BTD: variants seen among roughly 807,000 people sequenced by gnomAD.
BTD encodes the protein biotinidase, also known as biocytinase.
Under a neutral mutation model 17.7 loss-of-function variants are expected in BTD, and 13 were observed. The observed-to-expected ratio is 0.74, with a 90% CI of 0.48 to 1.17. BTD has a LOEUF of 1.17. Ranked by LOEUF, BTD falls within the 50% of genes most tolerant of loss-of-function variation. The probability of loss-of-function intolerance (pLI) is 0.00; values close to 1 mark genes in which losing one functional copy is unlikely to be tolerated. For missense variants in BTD, 674 were observed against 650.4 expected, an observed-to-expected ratio of 1.04 and a Z score of -0.39; for synonymous variants, 240 against 245.2, an observed-to-expected ratio of 0.98 and a Z score of 0.20.
chr3:15,631,137 A>G (rs560380859), intron 1 of BTD, among the ~76,000 whole-genome samples: 37 of 152,342 alleles, frequency 2.4e-4, no homozygotes, highest in Admixed American at 7.8e-4. Flanking sequence ...GAACTTCCCA[A>G]TGTTTTTCTT....
chr3:15,705,885 G>C (rs561008037), intron 3 of BTD, among the ~76,000 whole-genome samples: 28 of 152,110 alleles, frequency 1.8e-4, no homozygotes, highest in Non-Finnish European at 3.5e-4. Context: ...TGTAGTCCCA[G>C]CTACTCAGGA....
At chr3:15,666,710 T>C (rs1393378367) in intron 3 of BTD, among the ~76,000 whole-genome samples, 1 of 152,190 alleles carries the variant, frequency 6.6e-6, no homozygotes, top group African/African-American at 2.4e-5. Context: ...ATGCTCAGGA[T>C]TGCTAAGTGC....
chr3:15,612,167 C>T (rs954311335), intron 1 of BTD, among the ~76,000 whole-genome samples: 4 of 152,138 alleles, frequency 2.6e-5, no homozygotes, highest in Non-Finnish European at 5.9e-5. Context: ...GAGTTAATAA[C>T]ATTTGCACTG....
chr3:15,608,625 G>C (rs1435429895), intron 1 of BTD, among the ~76,000 whole-genome samples: 1 of 152,120 alleles, frequency 6.6e-6, no homozygotes, highest in Non-Finnish European at 1.5e-5. Context: ...AATTAGCTGG[G>C]CATGGTGATG....
At chr3:15,678,283 T>C in intron 3 of BTD, 3 of 1,613,166 alleles carry the variant, frequency 1.9e-6, no homozygotes, top group Non-Finnish European at 1.7e-6. Context: ...AGAATTGACT[T>C]GAGCATTATG....
Position 15,647,347 on chromosome 3 carries a change from G to A in BTD, c.*1859G>A, listed in dbSNP as rs2065719685. ...CCTTATGCCAAGATGATTCAAATAA[G>A]CCTGAGAAAGAGAGGCCAGCGCTAA... On this transcript the variant is annotated 3_prime_UTR_variant, in exon 4 of 4. Coordinates refer to ENST00000643237, the MANE Select transcript of BTD (RefSeq NM_001370658.1). The A allele has an allele frequency of 6.6e-6, 1 of 152,220 alleles. No individual in the cohort carries two copies. Among genetic ancestry groups the A allele is most frequent in the African/African-American group, 2.4e-5 (1 of 41,442 alleles). The allele number at this position is 152,220 out of a possible 1,614,324, so 9.4% of individuals were successfully genotyped here. A position where few individuals can be genotyped will look rare whatever the true frequency, so the allele number is the denominator to read the frequency against.
intron 3 of BTD, chr3:15,670,135 A>G (rs979038087): frequency 5.3e-5 from 52 of 984,598 alleles, no homozygotes; most frequent in Middle Eastern, 6.2e-4. Flanking sequence ...TCCTAATGCC[A>G]TCAGATCTCT....
chr3:15,720,967 C>A, intron 4 of BTD: 2 of 1,613,834 alleles, frequency 1.2e-6, no homozygotes, highest in South Asian at 1.1e-5. Flanking sequence ...ACACAATGCT[C>A]CATGTGTTGA....
intron 3 of BTD, chr3:15,694,787 C>T: frequency 6.2e-7 from 1 of 1,613,538 alleles, no homozygotes; most frequent in Non-Finnish European, 8.5e-7. Context: ...AATCACTCAG[C>T]ATGTCTGTTC....
At chr3:15,687,778 T>C (rs1240830408) in intron 3 of BTD, among the ~76,000 whole-genome samples, 4 of 152,214 alleles carry the variant, frequency 2.6e-5, no homozygotes, top group African/African-American at 9.6e-5. Flanking sequence ...GTCGTAACAC[T>C]TGGGGATGTT....
rs180729041 is a variant in BTD at position 15,708,103 on chromosome 3, G to A, written c.400-1957G>A. The A allele has an allele frequency of 7.3e-5, 114 of 1,566,646 alleles. No individual in the cohort carries two copies. In the African/African-American group the frequency reaches 1.5e-3, roughly 21 times the overall value. ...GTTAATACAAGAAAGATAAAAGCCA[G>A]AGACATAACTAGTAAACAAAAGCAT... On this transcript the variant is annotated intron_variant, in intron 3 of 3. Coordinates refer to the BTD transcript ENST00000672141.
At chr3:15,666,124 C>T (rs2065984337) in intron 3 of BTD, among the ~76,000 whole-genome samples, 1 of 152,226 alleles carries the variant, frequency 6.6e-6, no homozygotes, top group Non-Finnish European at 1.5e-5. Flanking sequence ...GAGCCTAGCA[C>T]AGTTCCTGGC....
chr3:15,622,821 CT>C (rs2064984032), intron 1 of BTD, among the ~76,000 whole-genome samples: 1 of 152,214 alleles, frequency 6.6e-6, no homozygotes, highest in Non-Finnish European at 1.5e-5. Context: ...ATCCTGATAA[CT>C]TTCCTTGGTC....
chr3:15,685,490 C>T (rs2068004786), intron 3 of BTD: 1 of 1,566,692 alleles, frequency 6.4e-7, no homozygotes, highest in Non-Finnish European at 8.8e-7. Flanking sequence ...TTATGCTAAA[C>T]ATTACATGCC....
downstream of BTD, among the ~76,000 whole-genome samples, chr3:15,654,606 G>A (rs538642492): frequency 9.9e-5 from 15 of 151,164 alleles, no homozygotes; most frequent in South Asian, 3.1e-3. Flanking sequence ...CCTTTTTTTT[G>A]TTTTTGAGAT....
chr3:15,638,861 TG>T (rs935603288), intron 2 of BTD, among the ~76,000 whole-genome samples: 5 of 152,222 alleles, frequency 3.3e-5, no homozygotes, highest in African/African-American at 1.2e-4. Context: ...TTGTAACAAG[TG>T]GTAAGCATTT....
rs1360173325 is a variant in BTD, at chr3:15,652,866, T to A, written c.*7378T>A. On this transcript the variant is annotated 3_prime_UTR_variant, in exon 4 of 4. Transcript: ENST00000643237. ...TACACAAAGCCAGAAATCATCTACA[T>A]CTACTCTCTTTTCTTCTGGTTTTGA... 6.6e-6 allele frequency among the ~76,000 whole-genome samples: 1 copy of A among 152,196 alleles called. No homozygotes were observed. Among genetic ancestry groups the A allele is most frequent in the African/African-American group, 2.4e-5 (1 of 41,446 alleles).
rs1389035914 is a variant in BTD, at chr3:15,650,839, G to A, written c.*5351G>A. Among the ~76,000 whole-genome samples, 6 of 152,266 alleles carry A rather than the reference G, an allele frequency of 3.9e-5. No individual in the cohort carries two copies. The highest frequency in any genetic ancestry group is 1.9e-4 in the East Asian group (1 of 5,178). ...GGCAGGAGTGCAATGGCATGATCTC[G>A]GCTCACTGCAAGCTCTGCCTCCCGA... On this transcript the variant is annotated 3_prime_UTR_variant, in exon 4 of 4. Transcript: ENST00000643237.
intron 1 of BTD, among the ~76,000 whole-genome samples, chr3:15,630,528 T>C (rs189868507): frequency 9.6e-4 from 146 of 152,356 alleles, no homozygotes; most frequent in African/African-American, 3.4e-3. Flanking sequence ...AAGAAAGATA[T>C]AACGTGTTTC....
Sources: allele counts gnomAD v4.1 joint callset (sites outside exome capture counted in the v4.1 genomes callset), GRCh38; gene constraint gnomAD v4.1.1; transcripts MANE v1.5; gene names NCBI Gene and HGNC (gene_info 2026-07-23, HGNC 2026-07-21).